Variants in NMBR observed in about 807,000 individuals in gnomAD.
The protein encoded by NMBR is neuromedin-B receptor.
A neutral mutation model predicts 20.5 loss-of-function variants in NMBR; 16 were observed. The observed-to-expected ratio is 0.78, with a 90% CI of 0.53 to 1.19. NMBR has a LOEUF of 1.19. NMBR is among the 50% of genes most tolerant of loss of function. NMBR has a pLI of 0.00. For missense variants in NMBR, 582 were observed against 499.1 expected (o/e 1.17, Z -1.58); for synonymous variants, 212 against 196.6 (o/e 1.08, Z -0.65).
intron 1 of NMBR, among the ~76,000 whole-genome samples, 158 bp downstream of exon 1, chr6:142,146,886 G>A (rs187914595): frequency 6.6e-6 from 1 of 152,350 alleles, no homozygotes; most frequent in East Asian, 1.9e-4. Context: ...TTAACTGGAA[G>A]TGGTAATTCC....
At chr6:142,125,988 T>C (rs1004830426) in intron 1 of NMBR, among the ~76,000 whole-genome samples, 1 of 151,788 alleles carries the variant, frequency 6.6e-6, no homozygotes, top group Non-Finnish European at 1.5e-5. Context: ...TACATTAGAT[T>C]TCCAGAAGTT....
chr6:142,102,366 G>A (rs1433585380), intron 1 of NMBR, among the ~76,000 whole-genome samples: 1 of 150,078 alleles, frequency 6.7e-6, no homozygotes, highest in African/African-American at 2.5e-5. Flanking sequence ...CTCCAGCCTG[G>A]GTGACAGAGC....
chr6:142,075,965 A>T lies in NMBR; in HGVS notation c.856T>A (p.Tyr286Asn), dbSNP rs772656617. ...TTATAGTTGAAAGACCGATACATGTAAAGGATGTGGTTTGGAAACCAACAG... is the reference window on the plus strand; with the variant it reads ...TTATAGTTGAAAGACCGATACATGTTAAGGATGTGGTTTGGAAACCAACAG... ...IFCWFPNHIL[Y>N]MYRSFNYNEI... Residue 286 changes from tyrosine to asparagine, a missense_variant, in exon 4 of 4, where the codon TAC (tyrosine) becomes AAC (asparagine). Transcript: ENST00000258042. 1.9e-6 allele frequency: 3 copies of T among 1,613,720 alleles called. No individual in the cohort carries two copies. The highest frequency in any genetic ancestry group is 2.5e-6 in the Non-Finnish European group (3 of 1,179,840).
intron 1 of NMBR, among the ~76,000 whole-genome samples, chr6:142,099,109 G>A (rs1012826700): frequency 3.3e-5 from 5 of 152,230 alleles, no homozygotes; most frequent in South Asian, 4.1e-4. Context: ...GTTCTCATGC[G>A]AAAGAAATGA....
intron 1 of NMBR, among the ~76,000 whole-genome samples, chr6:142,118,124 A>G (rs527554485): frequency 6.6e-6 from 1 of 152,132 alleles, no homozygotes; most frequent in Non-Finnish European, 1.5e-5. Flanking sequence ...TTCCAGAAAG[A>G]TGAGTATAAT....
At chr6:142,129,798 A>T (rs1216007699) in intron 1 of NMBR, among the ~76,000 whole-genome samples, 1 of 152,114 alleles carries the variant, frequency 6.6e-6, no homozygotes, top group East Asian at 1.9e-4. Flanking sequence ...GACAGGATAA[A>T]TGTTCTCCGA....
chr6:142,082,630 T>C (rs938991901), intron 2 of NMBR, among the ~76,000 whole-genome samples: 3 of 152,178 alleles, frequency 2.0e-5, no homozygotes, highest in Non-Finnish European at 4.4e-5. Context: ...TTAGAAACCA[T>C]GTTTTAAGAG....
intron 2 of NMBR, among the ~76,000 whole-genome samples, chr6:142,087,841 C>T (rs1777227888): frequency 6.6e-6 from 1 of 152,120 alleles, no homozygotes; most frequent in South Asian, 2.1e-4. Context: ...TAGATTCTTA[C>T]TCTACTGCAT....
rs748910779 is a variant in NMBR, at chr6:142,078,620, C to T, written c.706G>A (p.Ala236Thr). The change falls in exon 3 of 4, where the codon GCA becomes ACA. Residue 236 changes from alanine (A) to threonine (T), a missense_variant. By Grantham distance (58) the Ala-to-Thr change is moderately conservative (BLOSUM62 0). Transcript: ENST00000258042. ...TGTGCGCTTTTAATTAAGGTCTTTG[C>T]AATATGATAATAATAAATGCTAATA... ...AIISIYYYHIAKTLIKSAHNL... is the reference protein window; with the variant it reads ...AIISIYYYHITKTLIKSAHNL... 2 of 1,613,062 alleles carry T rather than the reference C, an allele frequency of 1.2e-6. No homozygotes were observed. Among genetic ancestry groups the T allele is most frequent in the African/African-American group, 1.3e-5 (1 of 74,970 alleles).
chr6:142,127,686 A>G (rs1778063186), intron 1 of NMBR, among the ~76,000 whole-genome samples: 1 of 151,932 alleles, frequency 6.6e-6, no homozygotes, highest in African/African-American at 2.4e-5. Flanking sequence ...TTTTCATTGT[A>G]CAAGTCTTTC....
rs151260743 is a variant in NMBR, at chr6:142,078,657, T to C, written c.669A>G (p.Ile223Met). 48 of 1,612,980 alleles carry C rather than the reference T, an allele frequency of 3.0e-5. 1 individual carries two copies. The highest frequency in any genetic ancestry group is 3.3e-4 in the Middle Eastern group (2 of 6,056). ...SVLIFLVYFL[I>M]PLAIISIYYY... The stretch of plus-strand genomic sequence containing the variant: ...AATAAATGCTAATAATAGCAAGTGG[T>C]ATGAGGAAATAGACCAAGAAAATGA... The change falls in exon 3 of 4, where the codon ATA (isoleucine) becomes ATG (methionine). Residue 223 changes from isoleucine (I) to methionine (M), a missense_variant. Transcript: ENST00000258042.
intron 2 of NMBR, among the ~76,000 whole-genome samples, 179 bp from the exon 3 acceptor site, chr6:142,079,082 A>AAGAAAGAG (rs1562390142): frequency 1.1e-5 from 1 of 94,014 alleles, no homozygotes; most frequent in Non-Finnish European, 2.0e-5. Flanking sequence ...GAGAGAAAGA[A>AAGAAAGAG]AGAAAGAGAG....
chr6:142,125,413 C>T (rs1391911171), intron 1 of NMBR, among the ~76,000 whole-genome samples: 1 of 68,732 alleles, frequency 1.5e-5, no homozygotes, highest in Non-Finnish European at 3.8e-5. Flanking sequence ...CAGCAGCATA[C>T]ATTTCAACCA....
In NMBR at chr6:142,135,061, TGTAAG is replaced by T; in HGVS notation, c.-664+11978_-664+11982del. ...TCTACTATAAAATATAGTGCCTGGT[TGTAAG>T]GTAAGGATTCTTGAAGAAATATTTC... On this transcript the variant is annotated intron_variant, in intron 1 of 3. Coordinates refer to ENST00000258042, the MANE Select transcript of NMBR (RefSeq NM_002511.4). 5 of 410,742 alleles carry T rather than the reference TGTAAG, an allele frequency of 1.2e-5. 1 individual carries two copies. In the East Asian group the frequency reaches 1.4e-4, roughly 12 times the overall value. The allele number at this position is 410,742 out of a possible 1,614,324, so 25.4% of individuals were successfully genotyped here. A position where few individuals can be genotyped will look rare whatever the true frequency, so the allele number is the denominator to read the frequency against.
rs1021352315 is a variant in NMBR at position 142,075,303 on chromosome 6, CTAAATACTAAAGCAATGT to C, written c.*327_*344del. 3.9e-5 allele frequency among the ~76,000 whole-genome samples: 6 copies of C among 151,920 alleles called. No homozygotes were observed. Among genetic ancestry groups the C allele is most frequent in the Admixed American group, 3.9e-4 (6 of 15,248 alleles). On this transcript the variant is annotated 3_prime_UTR_variant, in exon 4 of 4. Transcript: ENST00000258042. ...TGCTAGAACTGGCTTTAGCAACAGC[CTAAATACTAAAGCAATGT>C]TAAATTATACATATTGCATTGGTTT...
Position 142,078,559 on chromosome 6 carries a change from T to G in NMBR, c.767A>C (p.Lys256Thr). The change falls in exon 3 of 4, where the codon AAA becomes ACA. Residue 256 changes from lysine to threonine, a missense_variant. Physicochemically the swap from Lys to Thr is moderately conservative, Grantham distance 78. Transcript: ENST00000258042. ...ACCCACGCCTACTAAGCTTACCTGT[T>G]TTTTGGTATGTTCATTGTATTCTCC... Reference protein sequence around the residue: ...LPGEYNEHTKKQMETRKRLAK... With the variant: ...LPGEYNEHTKTQMETRKRLAK... The G allele has an allele frequency of 6.4e-7, 1 of 1,574,564 alleles. No homozygotes were observed. The highest frequency in any genetic ancestry group is 8.6e-7 in the Non-Finnish European group (1 of 1,156,360).
chr6:142,124,931 A>G (rs1778004822), intron 1 of NMBR, among the ~76,000 whole-genome samples: 1 of 151,890 alleles, frequency 6.6e-6, no homozygotes, highest in South Asian at 2.1e-4. Flanking sequence ...ATGGAAACAT[A>G]CCCCAGAAGG....
At chr6:142,080,949 A>G (rs192624507) in intron 2 of NMBR, among the ~76,000 whole-genome samples, 2 of 152,340 alleles carry the variant, frequency 1.3e-5, no homozygotes, top group East Asian at 3.9e-4. Context: ...CTATTGTAGA[A>G]GTACTGTTGT....
chr6:142,133,734 T>C, intron 1 of NMBR: 1 of 521,900 alleles, frequency 1.9e-6, no homozygotes, highest in Non-Finnish European at 3.4e-6. Flanking sequence ...AAGGGTCTAT[T>C]TGGCTTCAAA....
Sources: gnomAD v4.1 joint callset for allele counts (sites outside exome capture counted in the v4.1 genomes callset) on GRCh38, gnomAD v4.1.1 for gene constraint, MANE v1.5 for transcripts, NCBI Gene and HGNC (gene_info 2026-07-23, HGNC 2026-07-21) for gene names.